The following SERPINE2 variants were observed in gnomAD, a reference collection of about 807,000 sequenced individuals.
SERPINE2 encodes glia-derived nexin.
Under a neutral mutation model 36.3 loss-of-function variants are expected in SERPINE2, and 14 were observed. The observed-to-expected ratio is 0.39, with a 90% CI of 0.25 to 0.60. SERPINE2 has a LOEUF of 0.60. Ranked by LOEUF, SERPINE2 falls within the 20% of genes least tolerant of loss-of-function variation. The probability of loss-of-function intolerance (pLI) is 0.57; values close to 1 mark genes in which losing one functional copy is unlikely to be tolerated. For synonymous variants in SERPINE2, 192 were observed against 191.8 expected, an observed-to-expected ratio of 1.00 and a Z score of -0.01; for missense variants, 418 against 499.6, an observed-to-expected ratio of 0.84 and a Z score of 1.56.
intron 8 of SERPINE2, among the ~76,000 whole-genome samples, chr2:223,976,219 C>T (rs560688601): frequency 2.0e-5 from 3 of 152,292 alleles, no homozygotes; most frequent in Admixed American, 6.5e-5. Context: ...GGCGCCATCT[C>T]GGCTCACTGC....
intron 3 of SERPINE2, among the ~76,000 whole-genome samples, chr2:223,997,210 TTTTTTGTTTC>T (rs2106157971): frequency 7.4e-6 from 1 of 135,300 alleles, no homozygotes; most frequent in African/African-American, 3.2e-5. Context: ...GTTTTTTTGT[TTTTTTGTTTC>T]TTTTTGTTGT....
intron 4 of SERPINE2, among the ~76,000 whole-genome samples, chr2:223,988,360 CAG>C (rs1424717463): frequency 2.6e-5 from 4 of 151,938 alleles, no homozygotes; most frequent in Non-Finnish European, 5.9e-5. Flanking sequence ...TTTGTAGAGA[CAG>C]GGTCTCGCTA....
At chr2:224,004,199 ACT>A (rs1336359771) in intron 1 of SERPINE2, among the ~76,000 whole-genome samples, 1 of 151,928 alleles carries the variant, frequency 6.6e-6, no homozygotes, top group Non-Finnish European at 1.5e-5. Context: ...AGCTCAAGAC[ACT>A]CTCTGAGGGA....
chr2:223,983,689 T>C (rs955869117), intron 5 of SERPINE2, among the ~76,000 whole-genome samples: 1 of 53,786 alleles, frequency 1.9e-5, no homozygotes, highest in Non-Finnish European at 4.7e-5. Context: ...TATATGGAGA[T>C]ATATGCACAC....
intron 1 of SERPINE2, among the ~76,000 whole-genome samples, chr2:224,035,651 G>A (rs1692511547): frequency 6.6e-6 from 1 of 152,194 alleles, no homozygotes; most frequent in Admixed American, 6.5e-5. Context: ...TTACAGGTAT[G>A]AGCCACCACG....
intron 4 of SERPINE2, among the ~76,000 whole-genome samples, chr2:223,990,090 G>C (rs1347724351): frequency 1.4e-5 from 2 of 147,906 alleles, no homozygotes; most frequent in East Asian, 3.9e-4. Context: ...GACTCTGTAA[G>C]GGGGGGCTTG....
chr2:224,023,607 CTT>C (rs1292874855), intron 1 of SERPINE2, among the ~76,000 whole-genome samples: 1 of 152,194 alleles, frequency 6.6e-6, no homozygotes, highest in Non-Finnish European at 1.5e-5. Context: ...AGTTCAGAAA[CTT>C]TTAAAAAGGT....
At chr2:224,037,452 T>C (rs958359079) in intron 1 of SERPINE2, among the ~76,000 whole-genome samples, 3 of 152,190 alleles carry the variant, frequency 2.0e-5, no homozygotes, top group Admixed American at 6.5e-5. Context: ...TGGAGGTACT[T>C]AGAGGACTTG....
intron 4 of SERPINE2, among the ~76,000 whole-genome samples, chr2:223,990,545 A>T (rs1690621778): frequency 1.3e-5 from 2 of 152,192 alleles, no homozygotes; most frequent in Non-Finnish European, 2.9e-5. Context: ...AGAAACATAC[A>T]GTAAATGAGG....
At chr2:224,000,181 G>C (rs139303944) in intron 2 of SERPINE2, among the ~76,000 whole-genome samples, 24 of 152,232 alleles carry the variant, frequency 1.6e-4, no homozygotes, top group African/African-American at 5.1e-4. Context: ...GGCCAGCCTG[G>C]GTGGAAGAAC....
chr2:224,004,566 T>A (rs1466383651), intron 1 of SERPINE2, among the ~76,000 whole-genome samples: 1 of 152,224 alleles, frequency 6.6e-6, no homozygotes, highest in African/African-American at 2.4e-5. Flanking sequence ...TGGAGCCTAC[T>A]GGACTTTGGA....
At chr2:224,003,120 T>C (rs573282811) in intron 1 of SERPINE2, among the ~76,000 whole-genome samples, 2 of 151,678 alleles carry the variant, frequency 1.3e-5, no homozygotes, top group Non-Finnish European at 2.9e-5. Context: ...GAGACCTGAA[T>C]GGGGGAAGGA....
In SERPINE2 at chr2:223,991,852, C is replaced by A. The variant is rs1325336294; in HGVS notation, c.636G>T (p.Gly212=). 1 of 1,613,350 alleles carries A rather than the reference C, an allele frequency of 6.2e-7. No individual in the cohort carries two copies. Among genetic ancestry groups the A allele is most frequent in the Non-Finnish European group, 8.5e-7 (1 of 1,179,864 alleles). ...TKKRTFVAAD[G]KSYQVPMLAQ... ...CCAGCATTGGCACTTGATAGGATTTCCCGTCGGCTGCCACGAAAGTGCGTT... is the reference window on the plus strand; with the variant it reads ...CCAGCATTGGCACTTGATAGGATTTACCGTCGGCTGCCACGAAAGTGCGTT... Residue 212 remains glycine, a synonymous_variant, in exon 4 of 9, where the codon GGG becomes GGT. Coordinates refer to ENST00000409304, the MANE Select transcript of SERPINE2 (RefSeq NM_001136528.2).
Position 223,984,708 on chromosome 2 carries a change from T to C in SERPINE2, c.884+44A>G, listed in dbSNP as rs1223214632. 4 of 1,578,018 alleles carry C rather than the reference T, an allele frequency of 2.5e-6. No individual in the cohort carries two copies. In the South Asian group the frequency reaches 3.4e-5, roughly 13 times the overall value. The stretch of plus-strand genomic sequence containing the variant: ...TGGTGTCCGACATAACACCTGCTGA[T>C]TGAATAATGCCACTGTTTTCTTTGA... On this transcript the variant is annotated intron_variant, in intron 5 of 8. Coordinates refer to ENST00000409304, the MANE Select transcript of SERPINE2 (RefSeq NM_001136528.2).
At chr2:224,005,648 T>C (rs145234050) in intron 1 of SERPINE2, among the ~76,000 whole-genome samples, 41 of 152,332 alleles carry the variant, frequency 2.7e-4, no homozygotes, top group African/African-American at 9.4e-4. Flanking sequence ...AGCTTTGAAA[T>C]GCTTGATCTC....
At chr2:224,033,967 C>G (rs1169033229) in intron 1 of SERPINE2, among the ~76,000 whole-genome samples, 1 of 152,126 alleles carries the variant, frequency 6.6e-6, no homozygotes, top group Non-Finnish European at 1.5e-5. Context: ...TTGCTAGTAC[C>G]AAAATGAGGG....
rs1307331020 is a variant in SERPINE2, at chr2:224,038,774, G to A, written c.-23+325C>T. Reference sequence around the variant, plus strand: ...CGGATGGCCGGGCAGGAGCCACGCCGGCCCCGGTGCTCCCAGCTGCGGGTA... The same window carrying A: ...CGGATGGCCGGGCAGGAGCCACGCCAGCCCCGGTGCTCCCAGCTGCGGGTA... On this transcript the variant is annotated intron_variant, in intron 1 of 8. Coordinates refer to ENST00000409304, the MANE Select transcript of SERPINE2 (RefSeq NM_001136528.2). 7.8e-6 allele frequency: 4 copies of A among 514,300 alleles called. No individual in the cohort carries two copies. In the East Asian group the frequency reaches 9.5e-5, roughly 12 times the overall value. The allele number at this position is 514,300 out of a possible 1,614,324, so 31.9% of individuals were successfully genotyped here.
chr2:224,018,827 C>T (rs140405039), intron 1 of SERPINE2, among the ~76,000 whole-genome samples: 2,380 of 152,224 alleles, frequency 0.016, 29 homozygotes, highest in Non-Finnish European at 0.024. Context: ...CAAGGAAAAG[C>T]TCTCCATTGT....
chr2:224,021,811 G>C (rs1263448981), intron 1 of SERPINE2, among the ~76,000 whole-genome samples: 4 of 152,186 alleles, frequency 2.6e-5, no homozygotes, highest in African/African-American at 7.2e-5. Context: ...ATCACATGAG[G>C]TCAGGAGTTT....
Sources: gnomAD v4.1 joint callset for allele counts (sites outside exome capture counted in the v4.1 genomes callset) on GRCh38, gnomAD v4.1.1 for gene constraint, MANE v1.5 for transcripts, NCBI Gene and HGNC (gene_info 2026-07-23, HGNC 2026-07-21) for gene names.